The following SHISA9 variants were observed in gnomAD, a reference collection of about 807,000 sequenced individuals.
The protein encoded by SHISA9 is shisa family member 9.
A neutral mutation model predicts 38.0 loss-of-function variants in SHISA9; 13 were observed. The observed-to-expected ratio is 0.34, with a 90% CI of 0.22 to 0.54. SHISA9 has a LOEUF of 0.54. Among genes scored for constraint, SHISA9 ranks in the 20% least tolerant of loss-of-function variants. The pLI is 0.91. For missense variants in SHISA9, 538 were observed against 575.8 expected (o/e 0.93, Z 0.67); for synonymous variants, 275 against 242.0 (o/e 1.14, Z -1.27).
chr16:13,483,884 A>G, the SHISA9 span, among the ~76,000 whole-genome samples: 1 of 152,138 alleles, frequency 6.6e-6, no homozygotes, highest in Non-Finnish European at 1.5e-5. Flanking sequence ...GATCCTTTGC[A>G]ATATCTTTTA....
chr16:13,088,955 A>C (rs917186831), intron 2 of SHISA9, among the ~76,000 whole-genome samples: 1 of 152,104 alleles, frequency 6.6e-6, no homozygotes, highest in African/African-American at 2.4e-5. Context: ...GTTTGTCTTA[A>C]ATAGCTCTTA....
chr16:13,086,019 C>G (rs143987549), intron 2 of SHISA9, among the ~76,000 whole-genome samples: 1 of 151,732 alleles, frequency 6.6e-6, no homozygotes, highest in East Asian at 1.9e-4. Context: ...AAGAAAAAAA[C>G]AGGAAGATTG....
the SHISA9 span, among the ~76,000 whole-genome samples, chr16:13,494,025 T>C: frequency 6.6e-6 from 1 of 151,660 alleles, no homozygotes; most frequent in South Asian, 2.1e-4. Flanking sequence ...ACAAAAAGAG[T>C]AAACAGTGGA....
the SHISA9 span, among the ~76,000 whole-genome samples, chr16:13,383,694 A>G: frequency 1.3e-5 from 2 of 152,212 alleles, no homozygotes; most frequent in African/African-American, 4.8e-5. Flanking sequence ...TCTGTCACCC[A>G]GGCTGGAGTG....
At chr16:13,470,019 T>G in the SHISA9 span, among the ~76,000 whole-genome samples, 1 of 152,246 alleles carries the variant, frequency 6.6e-6, no homozygotes, top group Non-Finnish European at 1.5e-5. Context: ...GCCAGTTCTC[T>G]CTTCGTGATG....
the SHISA9 span, among the ~76,000 whole-genome samples, chr16:13,264,604 A>G: frequency 6.6e-6 from 1 of 152,126 alleles, no homozygotes; most frequent in Non-Finnish European, 1.5e-5. Flanking sequence ...TAGTTCTCCT[A>G]TTCTTCATTA....
chr16:12,935,011 C>T (rs1170584832), intron 2 of SHISA9, among the ~76,000 whole-genome samples: 2 of 151,888 alleles, frequency 1.3e-5, no homozygotes, highest in East Asian at 1.9e-4. Flanking sequence ...TGAATTATTC[C>T]AACAATTTTG....
intron 1 of SHISA9, chr16:12,909,373 G>A (rs1768266176): frequency 1.0e-6 from 1 of 985,422 alleles, no homozygotes; most frequent in Non-Finnish European, 1.2e-6. Context: ...TGCTTCTTGT[G>A]CAAGAAGAAG....
chr16:13,280,623 T>C, the SHISA9 span, among the ~76,000 whole-genome samples: 4 of 151,888 alleles, frequency 2.6e-5, no homozygotes, highest in Admixed American at 2.6e-4. Context: ...CTGTTATTTA[T>C]TTCTTATTTA....
At chr16:13,211,296 A>T (rs1303633363) in intron 3 of SHISA9, among the ~76,000 whole-genome samples, 1 of 150,568 alleles carries the variant, frequency 6.6e-6, no homozygotes, top group Non-Finnish European at 1.5e-5. Context: ...ACAAAGCAAG[A>T]CTCTGTCTCA....
At chr16:12,980,245 C>T (rs770693802) in intron 2 of SHISA9, among the ~76,000 whole-genome samples, 10 of 152,230 alleles carry the variant, frequency 6.6e-5, no homozygotes, top group Non-Finnish European at 8.8e-5. Context: ...TCCTCTTATT[C>T]GTGTAATTTA....
chr16:13,454,429 G>T, the SHISA9 span, among the ~76,000 whole-genome samples: 2 of 152,274 alleles, frequency 1.3e-5, no homozygotes, highest in South Asian at 2.1e-4. Context: ...TCTTGTCAAC[G>T]TATTAAATAT....
In SHISA9 at chr16:13,213,308, A is replaced by G. The variant is rs1321724120; in HGVS notation, c.895+8A>G. On this transcript the variant is annotated splice_region_variant and intron_variant, in intron 4 of 4. Coordinates refer to ENST00000558583, the MANE Select transcript of SHISA9 (RefSeq NM_001145204.3). Reference sequence around the variant, plus strand: ...CACTTAAGTCACCAAAAGGTACTGTACAGCTTTTTCTAGCTCTTTTGTCCA... The same window carrying G: ...CACTTAAGTCACCAAAAGGTACTGTGCAGCTTTTTCTAGCTCTTTTGTCCA... 10 of 1,551,424 alleles carry G rather than the reference A, an allele frequency of 6.4e-6. No individual in the cohort carries two copies. The highest frequency in any genetic ancestry group is 4.4e-6 in the Non-Finnish European group (5 of 1,146,722).
the SHISA9 span, among the ~76,000 whole-genome samples, chr16:13,410,260 A>T: frequency 7.1e-3 from 1,081 of 152,292 alleles, 8 homozygotes; most frequent in African/African-American, 0.022. Context: ...AATGTTGAAT[A>T]TCTCTATAAT....
the SHISA9 span, among the ~76,000 whole-genome samples, chr16:13,430,524 G>C: frequency 1.3e-5 from 2 of 152,124 alleles, no homozygotes; most frequent in African/African-American, 4.8e-5. Flanking sequence ...TACCCGGTGG[G>C]TTTTCAGACG....
intron 2 of SHISA9, among the ~76,000 whole-genome samples, chr16:12,976,362 A>G (rs941687344): frequency 6.6e-6 from 1 of 152,090 alleles, no homozygotes; most frequent in African/African-American, 2.4e-5. Flanking sequence ...AAGCGTTGGG[A>G]TTACAGGCAT....
At chr16:13,162,947 C>G (rs1385729437) in intron 2 of SHISA9, among the ~76,000 whole-genome samples, 2 of 151,964 alleles carry the variant, frequency 1.3e-5, no homozygotes, top group Non-Finnish European at 2.9e-5. Context: ...AATTCTTAAG[C>G]TAAATGTGTT....
intron 2 of SHISA9, among the ~76,000 whole-genome samples, chr16:13,002,061 C>T (rs1019192534): frequency 2.6e-5 from 4 of 152,198 alleles, no homozygotes; most frequent in African/African-American, 9.6e-5. Flanking sequence ...GGAATAGGGC[C>T]TGGCATCAGT....
At chr16:13,325,734 G>T in the SHISA9 span, among the ~76,000 whole-genome samples, 1 of 152,122 alleles carries the variant, frequency 6.6e-6, no homozygotes, top group Non-Finnish European at 1.5e-5. Flanking sequence ...AAAGGAATGA[G>T]TTCATGTCCT....
Sources: allele counts gnomAD v4.1 joint callset (sites outside exome capture counted in the v4.1 genomes callset), GRCh38; gene constraint gnomAD v4.1.1; transcripts MANE v1.5; gene names NCBI Gene and HGNC (gene_info 2026-07-23, HGNC 2026-07-21).